Variants in GRIK4 observed in about 807,000 individuals in gnomAD.
The protein encoded by GRIK4 is glutamate receptor ionotropic, kainate 4.
GRIK4 carries 40 observed loss-of-function variants against 104.9 expected under a neutral mutation model. The observed-to-expected ratio is 0.38, with a 90% CI of 0.30 to 0.50. The LOEUF is 0.50. GRIK4 is among the 20% of genes least tolerant of loss of function. GRIK4 has a pLI of 0.93. For synonymous variants in GRIK4, 485 were observed against 524.9 expected, an observed-to-expected ratio of 0.92 and a Z score of 1.04; for missense variants, 1,047 against 1,308.1, an observed-to-expected ratio of 0.80 and a Z score of 3.08.
intron 11 of GRIK4, among the ~76,000 whole-genome samples, chr11:120,897,688 A>C (rs909762597): frequency 4.6e-5 from 7 of 151,560 alleles, no homozygotes; most frequent in Non-Finnish European, 8.8e-5. Flanking sequence ...AAAGGAAACA[A>C]AACACAATAG....
chr11:120,713,059 G>C (rs1950766208), intron 3 of GRIK4, among the ~76,000 whole-genome samples: 1 of 152,156 alleles, frequency 6.6e-6, no homozygotes. Context: ...TATTTACACA[G>C]CCCAAGGTTG....
At chr11:120,839,224 T>C (rs1428624134) in intron 8 of GRIK4, among the ~76,000 whole-genome samples, 1 of 151,998 alleles carries the variant, frequency 6.6e-6, no homozygotes, top group African/African-American at 2.4e-5. Flanking sequence ...TCTGAATCCC[T>C]TGGGGATCTC....
intron 9 of GRIK4, among the ~76,000 whole-genome samples, chr11:120,865,551 T>C (rs1954385592): frequency 6.6e-6 from 1 of 152,162 alleles, no homozygotes; most frequent in Non-Finnish European, 1.5e-5. Flanking sequence ...AGCATATTCT[T>C]ATGGTGATGG....
chr11:120,624,574 G>T (rs748127212), intron 1 of GRIK4, among the ~76,000 whole-genome samples: 13 of 152,274 alleles, frequency 8.5e-5, no homozygotes, highest in South Asian at 2.1e-4. Context: ...CCCAGAGTCA[G>T]CTGGCACCGA....
intron 3 of GRIK4, among the ~76,000 whole-genome samples, chr11:120,771,894 C>A (rs1359441627): frequency 1.3e-5 from 2 of 152,234 alleles, no homozygotes; most frequent in Admixed American, 1.3e-4. Flanking sequence ...ATGGAGAACC[C>A]CCACTTGGGC....
chr11:120,816,755 C>T (rs369535095), intron 5 of GRIK4, among the ~76,000 whole-genome samples: 2 of 152,082 alleles, frequency 1.3e-5, no homozygotes, highest in Non-Finnish European at 2.9e-5. Flanking sequence ...GTTTAAGTGC[C>T]GCGATCCTAG....
At chr11:120,936,977 C>A (rs1468582953) in intron 13 of GRIK4, among the ~76,000 whole-genome samples, 1 of 152,082 alleles carries the variant, frequency 6.6e-6, no homozygotes, top group African/African-American at 2.4e-5. Flanking sequence ...CCCTATCTTA[C>A]TAGTTTGGTT....
intron 3 of GRIK4, among the ~76,000 whole-genome samples, chr11:120,706,428 C>T (rs770677966): frequency 3.9e-5 from 6 of 152,122 alleles, no homozygotes; most frequent in Non-Finnish European, 7.4e-5. Context: ...TGAGTGTGCA[C>T]GTGTGGATGT....
At chr11:120,792,663 C>T (rs1182476449) in intron 3 of GRIK4, among the ~76,000 whole-genome samples, 1 of 151,986 alleles carries the variant, frequency 6.6e-6, no homozygotes, top group East Asian at 1.9e-4. Flanking sequence ...TTGGAAGGTG[C>T]GGAATTGGGT....
At chr11:120,826,097 C>T (rs1271324384) in intron 6 of GRIK4, among the ~76,000 whole-genome samples, 1 of 152,240 alleles carries the variant, frequency 6.6e-6, no homozygotes, top group Non-Finnish European at 1.5e-5. Context: ...TTTATATTAT[C>T]TCATTTAAAT....
At chr11:120,732,287 A>G (rs961481357) in intron 3 of GRIK4, among the ~76,000 whole-genome samples, 13 of 152,032 alleles carry the variant, frequency 8.6e-5, no homozygotes, top group Admixed American at 7.9e-4. Context: ...GTGCACCACA[A>G]CACCCGGCTA....
At chr11:120,955,248 G>C (rs1333229805) in intron 15 of GRIK4, among the ~76,000 whole-genome samples, 2 of 152,164 alleles carry the variant, frequency 1.3e-5, no homozygotes, top group Non-Finnish European at 2.9e-5. Flanking sequence ...AACAAAGTGG[G>C]GCACCAGAGT....
At chr11:120,898,693 C>A in intron 12 of GRIK4, 54 bp downstream of exon 12, 1 of 945,132 alleles carries the variant, frequency 1.1e-6, no homozygotes, top group Non-Finnish European at 1.7e-6. Flanking sequence ...GCCTCCCCGG[C>A]TCTGAGCACT....
chr11:120,960,830 C>A, intron 16 of GRIK4, 79 bp from the exon 17 acceptor site: 1 of 1,122,050 alleles, frequency 8.9e-7, no homozygotes, highest in Non-Finnish European at 1.3e-6. Context: ...TCTCCCATGT[C>A]ACAGCAGGAC....
At chr11:120,876,970 G>A (rs918219686) in intron 11 of GRIK4, among the ~76,000 whole-genome samples, 1 of 152,172 alleles carries the variant, frequency 6.6e-6, no homozygotes, top group African/African-American at 2.4e-5. Flanking sequence ...GCTCCGATCA[G>A]CCCTCCTTAG....
intron 11 of GRIK4, among the ~76,000 whole-genome samples, chr11:120,887,721 G>A (rs1955161772): frequency 6.6e-6 from 1 of 152,204 alleles, no homozygotes; most frequent in South Asian, 2.1e-4. Context: ...ACAAGACAGA[G>A]TCTCTTCACT....
At chr11:120,734,747 A>G (rs867077680) in intron 3 of GRIK4, among the ~76,000 whole-genome samples, 73 of 151,894 alleles carry the variant, frequency 4.8e-4, no homozygotes, top group African/African-American at 1.7e-3. Flanking sequence ...CTGTCTGTGT[A>G]TTTTCAAATA....
At chr11:120,874,266 T>A in intron 10 of GRIK4, 48 bp downstream of exon 10, 3 of 1,501,352 alleles carry the variant, frequency 2.0e-6, no homozygotes, top group Non-Finnish European at 2.7e-6. Context: ...GCTAGTGGGG[T>A]GGGACACTTG....
chr11:120,674,181 A>G (rs1464599942), intron 3 of GRIK4, among the ~76,000 whole-genome samples: 1 of 152,062 alleles, frequency 6.6e-6, no homozygotes, highest in Non-Finnish European at 1.5e-5. Flanking sequence ...ACCCTCCTCT[A>G]AATCAGTTTT....
Sources: allele counts gnomAD v4.1 joint callset (sites outside exome capture counted in the v4.1 genomes callset), GRCh38; gene constraint gnomAD v4.1.1; transcripts MANE v1.5; gene names NCBI Gene and HGNC (gene_info 2026-07-23, HGNC 2026-07-21).